The following DPP10 variants were observed in gnomAD, a reference collection of about 807,000 sequenced individuals.
The protein encoded by DPP10 is dipeptidyl peptidase like 10, also known as inactive dipeptidyl peptidase 10.
A neutral mutation model predicts 120.9 loss-of-function variants in DPP10; 33 were observed. The ratio of observed to expected loss-of-function variants is 0.27; its 90% CI spans 0.21 to 0.37. The LOEUF (loss-of-function observed/expected upper bound fraction) is 0.37. Ranked by LOEUF, DPP10 falls within the 10% of genes least tolerant of loss-of-function variation. DPP10 has a pLI of 1.00. For synonymous variants in DPP10, 337 were observed against 326.1 expected, an observed-to-expected ratio of 1.03 and a Z score of -0.36; for missense variants, 816 against 942.8, an observed-to-expected ratio of 0.87 and a Z score of 1.76.
chr2:115,716,679 T>C (rs1228489054), intron 7 of DPP10, among the ~76,000 whole-genome samples: 1 of 151,970 alleles, frequency 6.6e-6, no homozygotes, highest in Non-Finnish European at 1.5e-5. Context: ...TTGAAGAATA[T>C]AGTAAAAAAA....
At chr2:115,720,343 C>G (rs1457904399) in intron 7 of DPP10, among the ~76,000 whole-genome samples, 1 of 152,096 alleles carries the variant, frequency 6.6e-6, no homozygotes, top group African/African-American at 2.4e-5. Flanking sequence ...ATTTATACAT[C>G]AAGATTTTAA....
chr2:115,820,799 ATGTG>A (rs869085100), intron 21 of DPP10, among the ~76,000 whole-genome samples: 37 of 105,596 alleles, frequency 3.5e-4, no homozygotes, highest in African/African-American at 1.4e-3. Context: ...TCCATGGTGT[ATGTG>A]TGTGTGTGTG....
intron 2 of DPP10, among the ~76,000 whole-genome samples, chr2:115,311,034 A>G (rs933816346): frequency 5.3e-5 from 8 of 152,226 alleles, no homozygotes; most frequent in African/African-American, 1.4e-4. Flanking sequence ...ACTAAGTTAA[A>G]CTTCTGCTCA....
At chr2:115,165,643 T>G (rs1367418329) in intron 1 of DPP10, among the ~76,000 whole-genome samples, 1 of 152,110 alleles carries the variant, frequency 6.6e-6, no homozygotes, top group Non-Finnish European at 1.5e-5. Flanking sequence ...CTCTCAACGT[T>G]TGTTAAATGA....
At chr2:115,631,243 G>A (rs115408977) in intron 5 of DPP10, among the ~76,000 whole-genome samples, 3 of 151,996 alleles carry the variant, frequency 2.0e-5, no homozygotes, top group Non-Finnish European at 4.4e-5. Flanking sequence ...ATGATTGTTT[G>A]TATTTCTTTA....
At chr2:115,021,206 C>A (rs545441622) in intron 1 of DPP10, among the ~76,000 whole-genome samples, 16 of 151,558 alleles carry the variant, frequency 1.1e-4, no homozygotes, top group Admixed American at 5.3e-4. Context: ...ACAACAACAA[C>A]AAAAAAGATA....
chr2:114,786,739 T>C (rs184797506), intron 1 of DPP10, among the ~76,000 whole-genome samples: 242 of 152,312 alleles, frequency 1.6e-3, no homozygotes, highest in Non-Finnish European at 2.3e-3. Flanking sequence ...ATTTAGTTCA[T>C]ATCAAAGTGA....
intron 4 of DPP10, among the ~76,000 whole-genome samples, chr2:115,507,833 A>G (rs902087105): frequency 2.6e-5 from 4 of 152,120 alleles, no homozygotes; most frequent in Admixed American, 1.3e-4. Flanking sequence ...TCTGAAGGCT[A>G]TTGCAGTGGT....
chr2:114,862,301 C>A (rs1489311010), intron 1 of DPP10, among the ~76,000 whole-genome samples: 1 of 152,038 alleles, frequency 6.6e-6, no homozygotes, highest in African/African-American at 2.4e-5. Context: ...AAGGACTGAG[C>A]ACTCCCTACT....
chr2:115,778,197 T>C (rs755467017), intron 15 of DPP10, among the ~76,000 whole-genome samples: 11 of 152,124 alleles, frequency 7.2e-5, no homozygotes, highest in Non-Finnish European at 1.2e-4. Flanking sequence ...AGTGCATTAA[T>C]GTGGCACAGG....
At chr2:114,657,823 T>G (rs1697078053) in intron 1 of DPP10, among the ~76,000 whole-genome samples, 1 of 152,184 alleles carries the variant, frequency 6.6e-6, no homozygotes, top group Non-Finnish European at 1.5e-5. Context: ...ATGCATTTAT[T>G]TGCCTGTAAA....
chr2:115,753,125 A>T (rs756305021), intron 10 of DPP10, 49 bp from the exon 11 acceptor site: 8 of 1,570,660 alleles, frequency 5.1e-6, no homozygotes, highest in Middle Eastern at 1.8e-4. Flanking sequence ...TTGGTACTAT[A>T]TCAATGCTCT....
chr2:114,823,483 T>G lies in DPP10; in HGVS notation c.60+380645T>G, dbSNP rs375223414. On this transcript the variant is annotated intron_variant, in intron 1 of 25. Coordinates refer to ENST00000410059, the MANE Select transcript of DPP10 (RefSeq NM_020868.6). ...TTTTATCTTATTCCACATTGAGCTT[T>G]CAAGCATTTATTAGTACTTATGATG... Among the ~76,000 whole-genome samples the G allele has an allele frequency of 1.5e-4, 23 of 152,256 alleles. No individual in the cohort carries two copies. In the East Asian group the frequency reaches 3.3e-3, roughly 22 times the overall value.
chr2:115,336,599 CTA>C lies in DPP10; in HGVS notation c.176-7203_176-7202del, dbSNP rs71394128. On this transcript the variant is annotated intron_variant, in intron 2 of 25. Coordinates refer to ENST00000410059, the MANE Select transcript of DPP10 (RefSeq NM_020868.6). ...TCTCTCTCTGTCTCTCTCTCTCTCTCTATATATATATATATAATTGTGCCTTA... is the reference window on the plus strand; with the variant it reads ...TCTCTCTCTGTCTCTCTCTCTCTCTCTATATATATATATAATTGTGCCTTA... Among the ~76,000 whole-genome samples the C allele has an allele frequency of 1.3e-3, 189 of 145,780 alleles. 1 individual carries two copies. Among genetic ancestry groups the C allele is most frequent in the African/African-American group, 3.1e-3 (123 of 40,104 alleles).
chr2:115,282,244 T>G (rs1264946386), intron 1 of DPP10, among the ~76,000 whole-genome samples: 1 of 152,086 alleles, frequency 6.6e-6, no homozygotes, highest in East Asian at 1.9e-4. Context: ...ATGTCTCACT[T>G]TTAGTATTTT....
chr2:114,946,062 T>C (rs544336565), intron 1 of DPP10, among the ~76,000 whole-genome samples: 5 of 152,278 alleles, frequency 3.3e-5, no homozygotes, highest in African/African-American at 7.2e-5. Context: ...TGAAAAACTG[T>C]CAGCCAAGAA....
chr2:115,367,579 G>C lies in DPP10; in HGVS notation c.271+23667G>C, dbSNP rs1028748314. 1.6e-4 allele frequency among the ~76,000 whole-genome samples: 25 copies of C among 151,934 alleles called. No individual in the cohort carries two copies. The Middle Eastern group carries it at 0.01, about 63-fold the overall frequency. ...TTCTACTTTCTTTATACTTTTCTAA[G>C]TGTTTCAAATTATTAAAATATGTCT... On this transcript the variant is annotated intron_variant, in intron 3 of 25. Transcript: ENST00000410059.
intron 5 of DPP10, among the ~76,000 whole-genome samples, chr2:115,599,603 A>G (rs1004508293): frequency 1.3e-5 from 2 of 152,188 alleles, no homozygotes; most frequent in African/African-American, 2.4e-5. Context: ...TACTAGCCTC[A>G]TACGATAATT....
intron 1 of DPP10, among the ~76,000 whole-genome samples, chr2:115,271,617 G>A (rs2105814148): frequency 6.6e-6 from 1 of 152,142 alleles, no homozygotes; most frequent in Admixed American, 6.6e-5. Context: ...TATTTATTCA[G>A]CTGAACTAGA....
Sources: gnomAD v4.1 joint callset for allele counts (sites outside exome capture counted in the v4.1 genomes callset) on GRCh38, gnomAD v4.1.1 for gene constraint, MANE v1.5 for transcripts, NCBI Gene and HGNC (gene_info 2026-07-23, HGNC 2026-07-21) for gene names.